The following LMX1B variants were observed in gnomAD, a reference collection of about 807,000 sequenced individuals.
LMX1B encodes LIM homeobox transcription factor 1-beta.
In LMX1B, 12 loss-of-function variants were observed where a neutral mutation model predicts 51.4. That is an observed-to-expected ratio of 0.23 (90% CI 0.15 to 0.38). LMX1B has a LOEUF of 0.38. Ranked by LOEUF, LMX1B falls within the 10% of genes least tolerant of loss-of-function variation. The pLI is 1.00. For missense variants in LMX1B, 445 were observed against 571.1 expected, an observed-to-expected ratio of 0.78 and a Z score of 2.25; for synonymous variants, 237 against 235.4, an observed-to-expected ratio of 1.01 and a Z score of -0.06.
At chr9:126,616,435 G>A (rs1588258927) in intron 2 of LMX1B, among the ~76,000 whole-genome samples, 1 of 152,198 alleles carries the variant, frequency 6.6e-6, no homozygotes, top group Non-Finnish European at 1.5e-5. Flanking sequence ...AGGACATGCA[G>A]GCTTTTTCTT....
chr9:126,651,212 G>A (rs1197850292), intron 2 of LMX1B, among the ~76,000 whole-genome samples: 1 of 151,846 alleles, frequency 6.6e-6, no homozygotes, highest in Non-Finnish European at 1.5e-5. Flanking sequence ...CCTCCATCCC[G>A]GGCAGAGGCT....
chr9:126,659,389 G>T (rs908865989), intron 2 of LMX1B, among the ~76,000 whole-genome samples: 14 of 152,268 alleles, frequency 9.2e-5, no homozygotes, highest in African/African-American at 3.4e-4. Flanking sequence ...CTGTCCCCAG[G>T]AGGCTGTCCT....
intron 1 of LMX1B, among the ~76,000 whole-genome samples, 175 bp downstream of exon 1, chr9:126,614,763 C>T (rs1835269427): frequency 6.6e-6 from 1 of 152,166 alleles, no homozygotes; most frequent in Admixed American, 6.5e-5. Context: ...ACGCCTCCGG[C>T]AGGCGTCCTG....
chr9:126,666,041 C>A (rs530798327), intron 2 of LMX1B, among the ~76,000 whole-genome samples: 1 of 152,242 alleles, frequency 6.6e-6, no homozygotes, highest in Admixed American at 6.5e-5. Context: ...TGTGCCGAGG[C>A]GGTCTGCCCT....
chr9:126,681,859 C>T (rs1836679783), intron 2 of LMX1B, among the ~76,000 whole-genome samples: 1 of 151,688 alleles, frequency 6.6e-6, no homozygotes, highest in Non-Finnish European at 1.5e-5. Flanking sequence ...CAAGATCACG[C>T]CACTGCACTC....
chr9:126,617,918 T>TG (rs1261914385), intron 2 of LMX1B, among the ~76,000 whole-genome samples: 3 of 44,530 alleles, frequency 6.7e-5, no homozygotes, highest in African/African-American at 2.8e-4. Flanking sequence ...GGGTGGGGGG[T>TG]GGGGGGTGGG....
chr9:126,634,062 G>C lies in LMX1B; in HGVS notation c.326+18493G>C, dbSNP rs143314273. On this transcript the variant is annotated intron_variant, in intron 2 of 7. Transcript: ENST00000373474. ...GAATGTTTGGGGAAGGCAGGAGGGA[G>C]GGAAGAAGGAAGCCCAGCTCACTCA... 4.2e-4 allele frequency among the ~76,000 whole-genome samples: 64 copies of C among 152,254 alleles called. 1 individual carries two copies. The East Asian group carries it at 6.4e-3, about 15-fold the overall frequency.
At chr9:126,649,304 C>A (rs899704309) in intron 2 of LMX1B, among the ~76,000 whole-genome samples, 5 of 152,164 alleles carry the variant, frequency 3.3e-5, no homozygotes, top group Non-Finnish European at 7.4e-5. Context: ...CTGTCACTTG[C>A]TTGCTTAAAA....
rs978282653 is a variant in LMX1B, at chr9:126,615,204, G to A, written c.140-179G>A. The stretch of plus-strand genomic sequence containing the variant: ...TCTCCACGCCGGAGCCCGAGGACTG[G>A]GACGGACTAGCCGGGGCCGCCCGGC... On this transcript the variant is annotated intron_variant, in intron 1 of 7. Coordinates refer to ENST00000373474, the MANE Select transcript of LMX1B (RefSeq NM_001174147.2). The surrounding 1 kb of genome is among the most constrained non-coding windows in gnomAD (Gnocchi z 6.0). Among the ~76,000 whole-genome samples the A allele has an allele frequency of 2.0e-5, 3 of 151,696 alleles. No homozygotes were observed. Among genetic ancestry groups the A allele is most frequent in the African/African-American group, 7.3e-5 (3 of 41,360 alleles).
At chr9:126,693,049 G>T (rs1470455944) in intron 3 of LMX1B, 93 bp from the exon 4 acceptor site, 2 of 1,319,012 alleles carry the variant, frequency 1.5e-6, no homozygotes, top group Non-Finnish European at 2.1e-6. Flanking sequence ...GAGGGGACAG[G>T]CTCCCATCGG....
Position 126,615,290 on chromosome 9 carries a change from C to T in LMX1B, c.140-93C>T. The T allele has an allele frequency of 9.7e-7, 1 of 1,035,588 alleles. No homozygotes were observed. Among genetic ancestry groups the T allele is most frequent in the Non-Finnish European group, 1.2e-6 (1 of 803,148 alleles). 64.1% of individuals were successfully genotyped at this position (1,035,588 alleles called of 1,614,324 possible). A position where few individuals can be genotyped will look rare whatever the true frequency, so the allele number is the denominator to read the frequency against. On this transcript the variant is annotated intron_variant, in intron 1 of 7. Transcript: ENST00000373474. The surrounding 1 kb of genome is among the most constrained non-coding windows in gnomAD (Gnocchi z 6.0). The stretch of plus-strand genomic sequence containing the variant: ...GCGGTGATCCCGGGCGGCCCGAGCC[C>T]TCGGGGCCGAGGGCTGTGGGCCCGG...
chr9:126,657,518 G>T (rs967213512), intron 2 of LMX1B, among the ~76,000 whole-genome samples: 7 of 152,152 alleles, frequency 4.6e-5, no homozygotes, highest in Admixed American at 3.9e-4. Flanking sequence ...TGCATCTGGG[G>T]TCAGGACTGG....
At chr9:126,622,403 G>A (rs1835431683) in intron 2 of LMX1B, among the ~76,000 whole-genome samples, 2 of 152,338 alleles carry the variant, frequency 1.3e-5, no homozygotes, top group Admixed American at 6.5e-5. Context: ...GAGCAACAGC[G>A]ATGCCCACTG....
chr9:126,652,609 C>CTG (rs141732679), intron 2 of LMX1B, among the ~76,000 whole-genome samples: 32 of 151,438 alleles, frequency 2.1e-4, no homozygotes, highest in Non-Finnish European at 3.1e-4. Flanking sequence ...CTGTGCGTGA[C>CTG]TGTGTGTGTG....
At chr9:126,655,899 C>T (rs1047596719) in intron 2 of LMX1B, among the ~76,000 whole-genome samples, 1 of 152,182 alleles carries the variant, frequency 6.6e-6, no homozygotes, top group Non-Finnish European at 1.5e-5. Flanking sequence ...ATGATGCACA[C>T]CTGCTACTTC....
intron 2 of LMX1B, among the ~76,000 whole-genome samples, chr9:126,682,894 G>GAAAAAAAAAAAAA (rs577172677): frequency 3.5e-5 from 3 of 86,136 alleles, no homozygotes; most frequent in Admixed American, 1.3e-4. Flanking sequence ...CACTCTGTCT[G>GAAAAAAAAAAAAA]AAAAAAAAAA....
chr9:126,685,706 AG>A (rs1836756492), intron 2 of LMX1B, among the ~76,000 whole-genome samples: 1 of 152,078 alleles, frequency 6.6e-6, no homozygotes, highest in Non-Finnish European at 1.5e-5. Context: ...CCCTCAGAGG[AG>A]GGTAGGAGAT....
intron 2 of LMX1B, among the ~76,000 whole-genome samples, chr9:126,687,157 C>T (rs954396392): frequency 2.6e-5 from 4 of 151,980 alleles, no homozygotes; most frequent in Admixed American, 6.6e-5. Context: ...AGCATGGTGC[C>T]GAGGGCTTTA....
In LMX1B at chr9:126,697,595, A is replaced by G. The variant is rs769101160; in HGVS notation, c.*1144A>G. On this transcript the variant is annotated 3_prime_UTR_variant, in exon 8 of 8. Transcript: ENST00000373474. Reference sequence around the variant, plus strand: ...CCAGCAGGCCTCCGGCTGTCCCTCTAAAGGTGTGGGGCAGGTATCACTTCA... The same window carrying G: ...CCAGCAGGCCTCCGGCTGTCCCTCTGAAGGTGTGGGGCAGGTATCACTTCA... 5 of 152,390 alleles carry G rather than the reference A, an allele frequency of 3.3e-5. No homozygotes were observed. The highest frequency in any genetic ancestry group is 6.5e-5 in the Admixed American group (1 of 15,280). 9.4% of individuals were successfully genotyped at this position (152,390 alleles called of 1,614,324 possible).
Sources: allele counts gnomAD v4.1 joint callset (sites outside exome capture counted in the v4.1 genomes callset), GRCh38; gene constraint gnomAD v4.1.1; non-coding constraint Gnocchi (gnomAD v3.1); transcripts MANE v1.5; gene names NCBI Gene and HGNC (gene_info 2026-07-23, HGNC 2026-07-21).